The following PTPRD variants were observed in gnomAD, a reference collection of about 807,000 sequenced individuals.
PTPRD encodes receptor-type tyrosine-protein phosphatase delta.
PTPRD carries 34 observed loss-of-function variants against 214.5 expected under a neutral mutation model. The ratio of observed to expected loss-of-function variants is 0.16; its 90% CI spans 0.12 to 0.21. The LOEUF (loss-of-function observed/expected upper bound fraction) is 0.21, where lower values mean the gene tolerates loss of function less well. PTPRD is among the 10% of genes least tolerant of loss of function. The pLI, the probability that PTPRD is intolerant of heterozygous loss-of-function variation, is 1.00. For missense variants in PTPRD, 2,545 were observed against 2,398.7 expected, an observed-to-expected ratio of 1.06 and a Z score of -1.27; for synonymous variants, 1,128 against 845.7, an observed-to-expected ratio of 1.33 and a Z score of -5.79.
chr9:8,980,048 C>A (rs1450573475), intron 11 of PTPRD, among the ~76,000 whole-genome samples: 1 of 151,810 alleles, frequency 6.6e-6, no homozygotes, highest in Non-Finnish European at 1.5e-5. Flanking sequence ...TATTCAGCCT[C>A]AAAAAAAGAA....
chr9:8,879,021 T>G (rs1348411167), intron 11 of PTPRD, among the ~76,000 whole-genome samples: 1 of 152,230 alleles, frequency 6.6e-6, no homozygotes, highest in Non-Finnish European at 1.5e-5. Context: ...ACTCTGTTGA[T>G]ACTGTGGAAC....
intron 11 of PTPRD, among the ~76,000 whole-genome samples, chr9:8,735,327 A>C (rs1035274110): frequency 6.6e-6 from 1 of 151,588 alleles, no homozygotes; most frequent in Non-Finnish European, 1.5e-5. Context: ...TACTTTTAGT[A>C]GAGGCAAGGT....
At chr9:9,986,895 ATTTT>A (rs5896358) in intron 4 of PTPRD, among the ~76,000 whole-genome samples, 1 of 148,500 alleles carries the variant, frequency 6.7e-6, no homozygotes, top group African/African-American at 2.6e-5. Flanking sequence ...TAGATTTCAT[ATTTT>A]TTTTTTACTG....
intron 35 of PTPRD, among the ~76,000 whole-genome samples, chr9:8,406,658 T>C (rs751365638): frequency 9.2e-5 from 14 of 152,188 alleles, no homozygotes; most frequent in Admixed American, 3.3e-4. Flanking sequence ...AATAAATGTT[T>C]TTGAGAAAAG....
rs559436261 is a variant in PTPRD at position 9,598,645 on chromosome 9, TTGTTA to T, written c.-286-23869_-286-23865del. ...TATTTAAAGAAGTCTTACAATTTTT[TTGTTA>T]TAAGTTATTTACAAAATTTATATCC... is the stretch of plus-strand genomic sequence containing the variant. On this transcript the variant is annotated intron_variant, in intron 7 of 45. Coordinates refer to ENST00000381196, the MANE Select transcript of PTPRD (RefSeq NM_002839.4). 1.8e-3 allele frequency among the ~76,000 whole-genome samples: 281 copies of T among 152,224 alleles called. 2 individuals carry two copies. The highest frequency in any genetic ancestry group is 6.7e-3 in the African/African-American group (278 of 41,564).
chr9:8,956,459 C>CT (rs933872079), intron 11 of PTPRD, among the ~76,000 whole-genome samples: 22 of 151,338 alleles, frequency 1.5e-4, no homozygotes, highest in African/African-American at 4.1e-4. Context: ...TTCTTTCTTT[C>CT]TTTTTTTTGT....
chr9:9,235,934 T>G (rs1356223650), intron 9 of PTPRD, among the ~76,000 whole-genome samples: 5 of 152,162 alleles, frequency 3.3e-5, no homozygotes, highest in African/African-American at 1.2e-4. Flanking sequence ...CTTATTAGTC[T>G]GAGTCAATTC....
At chr9:10,116,975 T>G (rs1383550346) in intron 3 of PTPRD, among the ~76,000 whole-genome samples, 2 of 152,142 alleles carry the variant, frequency 1.3e-5, no homozygotes, top group African/African-American at 4.8e-5. Context: ...AAGTATTTTA[T>G]TCATAATCAC....
intron 2 of PTPRD, among the ~76,000 whole-genome samples, chr9:10,415,329 C>T (rs994828403): frequency 6.6e-6 from 1 of 151,654 alleles, no homozygotes. Context: ...TATATATGTA[C>T]AAACATACAA....
chr9:9,691,043 C>T (rs1410857382), intron 7 of PTPRD, among the ~76,000 whole-genome samples: 2 of 151,596 alleles, frequency 1.3e-5, no homozygotes, highest in East Asian at 3.9e-4. Flanking sequence ...GGTGTATATA[C>T]TTATGGTGTA....
intron 4 of PTPRD, among the ~76,000 whole-genome samples, chr9:10,025,095 G>C (rs1266441596): frequency 6.6e-6 from 1 of 151,932 alleles, no homozygotes; most frequent in East Asian, 1.9e-4. Context: ...AAACATACGT[G>C]TGCATGTGTC....
Position 8,485,926 on chromosome 9 carries a change from G to A in PTPRD, c.2891C>T (p.Pro964Leu), listed in dbSNP as rs770180884. 2 of 1,614,164 alleles carry A rather than the reference G, an allele frequency of 1.2e-6. No individual in the cohort carries two copies. The highest frequency in any genetic ancestry group is 2.2e-5 in the East Asian group (1 of 44,876). The part of the protein sequence containing the change: ...YTLLYRDINI[P>L]LLPMEQLIVP... ...AATAAGCTGCTCCATCGGGAGAAGG[G>A]GGATGTTGATATCCCTATAAAGAAG... The change falls in exon 28 of 46, where the codon CCC becomes CTC. Residue 964 changes from proline (P) to leucine (L), a missense_variant. By Grantham distance (98) the Pro-to-Leu change is moderately conservative. Coordinates refer to ENST00000381196, the MANE Select transcript of PTPRD (RefSeq NM_002839.4).
chr9:8,625,869 TA>T (rs77897424), intron 14 of PTPRD, among the ~76,000 whole-genome samples: 2,557 of 139,550 alleles, frequency 0.018, 32 homozygotes, highest in African/African-American at 0.037. Context: ...GCCCAGTAGT[TA>T]AAAAAAAAAA....
At chr9:9,118,101 C>T (rs1158606044) in intron 10 of PTPRD, among the ~76,000 whole-genome samples, 1 of 152,168 alleles carries the variant, frequency 6.6e-6, no homozygotes, top group Non-Finnish European at 1.5e-5. Context: ...CAGAGAAACA[C>T]CCACACTTGG....
At chr9:9,934,770 C>A (rs2088478531) in intron 5 of PTPRD, among the ~76,000 whole-genome samples, 1 of 151,704 alleles carries the variant, frequency 6.6e-6, no homozygotes, top group South Asian at 2.1e-4. Context: ...AGAGACACAA[C>A]CAAAAAAGAG....
chr9:9,890,537 G>C (rs1433525223), intron 5 of PTPRD, among the ~76,000 whole-genome samples: 1 of 151,980 alleles, frequency 6.6e-6, no homozygotes, highest in Non-Finnish European at 1.5e-5. Flanking sequence ...TAAAATTGCT[G>C]TGTGGTTTCT....
rs536080729 is a variant in PTPRD, at chr9:9,811,243, T to C, written c.-367-44392A>G. On this transcript the variant is annotated intron_variant, in intron 5 of 45. Coordinates refer to ENST00000381196, the MANE Select transcript of PTPRD (RefSeq NM_002839.4). ...AAAGCAGTTAGCAAGAGATTGAGTC[T>C]AACCTTCATGGATGGCTTTGAAGGG... 4.6e-5 allele frequency among the ~76,000 whole-genome samples: 7 copies of C among 152,254 alleles called. No individual in the cohort carries two copies. The South Asian group carries it at 6.2e-4, about 14-fold the overall frequency.
At position 8,486,169 on chromosome 9, in the gene PTPRD, G is replaced by A. The variant is rs1368935995; in HGVS notation, c.2648C>T (p.Thr883Ile). ...FSEKEDHFTATDIHKGASYVF... is the reference protein window; with the variant it reads ...FSEKEDHFTAIDIHKGASYVF... ...GTATGATGCTCCCTTGTGGATGTCT[G>A]TAGCTGTAAAGTGATCTTCTTTTTC... Residue 883 changes from threonine to isoleucine, a missense_variant, in exon 28 of 46, where the codon ACA becomes ATA. Transcript: ENST00000381196. The A allele has an allele frequency of 6.2e-7, 1 of 1,614,188 alleles. No homozygotes were observed.
intron 2 of PTPRD, among the ~76,000 whole-genome samples, chr9:10,529,618 G>C (rs1259108973): frequency 4.0e-5 from 6 of 151,576 alleles, no homozygotes; most frequent in Admixed American, 2.0e-4. Flanking sequence ...ACCTAATGTA[G>C]ATGATGGCTT....
Sources: allele counts gnomAD v4.1 joint callset (sites outside exome capture counted in the v4.1 genomes callset), GRCh38; gene constraint gnomAD v4.1.1; transcripts MANE v1.5; gene names NCBI Gene and HGNC (gene_info 2026-07-23, HGNC 2026-07-21).